The following CROCC2 variants were observed in gnomAD, a reference collection of about 807,000 sequenced individuals.
CROCC2 encodes the protein ciliary rootlet coiled-coil protein 2.
In CROCC2, 163 loss-of-function variants were observed where a neutral mutation model predicts 177.6. The ratio of observed to expected loss-of-function variants is 0.92; its 90% CI spans 0.81 to 1.05. The LOEUF (loss-of-function observed/expected upper bound fraction) is 1.05. Ranked by LOEUF, CROCC2 falls within the 50% of genes least tolerant of loss-of-function variation. CROCC2 has a pLI of 0.00. For missense variants in CROCC2, 1,929 were observed against 1,797.8 expected, an observed-to-expected ratio of 1.07 and a Z score of -1.32; for synonymous variants, 904 against 787.3, an observed-to-expected ratio of 1.15 and a Z score of -2.48.
chr2:240,940,799 C>T (rs992009707), intron 14 of CROCC2, among the ~76,000 whole-genome samples: 3 of 152,120 alleles, frequency 2.0e-5, no homozygotes, highest in Admixed American at 2.0e-4. Context: ...GACAAGGATG[C>T]CCACTCTTAC....
At chr2:240,990,940 C>T (rs973828148) in intron 30 of CROCC2, among the ~76,000 whole-genome samples, 22 of 152,238 alleles carry the variant, frequency 1.4e-4, no homozygotes, top group Non-Finnish European at 2.8e-4. Context: ...ACCAAGGGTG[C>T]GCGGTGGCCA....
chr2:240,933,254 G>T lies in CROCC2; in HGVS notation c.1375G>T (p.Ala459Ser). The T allele has an allele frequency of 6.5e-6, 10 of 1,548,776 alleles. No homozygotes were observed. Among genetic ancestry groups the T allele is most frequent in the Non-Finnish European group, 8.7e-6 (10 of 1,146,590 alleles). Reference protein sequence around the residue: ...KLQQERAREQAREREALRGQL... With the variant: ...KLQQERAREQSREREALRGQL... The stretch of plus-strand genomic sequence containing the variant: ...CCAGCAGGAGCGGGCTCGGGAGCAG[G>T]CACGGGAACGAGAGGCTCTTCGGGG... Residue 459 changes from alanine (A) to serine (S), a missense_variant, in exon 10 of 32, where the codon GCA becomes TCA. Physicochemically the swap from Ala to Ser is moderately conservative, Grantham distance 99. Transcript: ENST00000690015.
Position 240,973,373 on chromosome 2 carries a change from G to T in CROCC2, c.4401+5111G>T, listed in dbSNP as rs138718683. On this transcript the variant is annotated intron_variant, in intron 27 of 31. Transcript: ENST00000690015. The surrounding 1 kb of genome is among the most constrained non-coding windows in gnomAD (Gnocchi z 4.7). ...TAGCTGGCCAGGTCTCTGAGCAGGC[G>T]GGAGGCCTGGCACTCACTCAGCATC... Among the ~76,000 whole-genome samples, 1 of 152,052 alleles carries T rather than the reference G, an allele frequency of 6.6e-6. No homozygotes were observed. The highest frequency in any genetic ancestry group is 1.5e-5 in the Non-Finnish European group (1 of 68,028).
At chr2:240,928,797 G>A (rs570317007) in intron 5 of CROCC2, among the ~76,000 whole-genome samples, 192 of 151,740 alleles carry the variant, frequency 1.3e-3, no homozygotes, top group African/African-American at 4.2e-3. Flanking sequence ...CAGGGGTAAC[G>A]GGCTCAGAGG....
In CROCC2 at chr2:240,953,517, C is replaced by T. The variant is rs1202784164; in HGVS notation, c.2830-2342C>T. 6.6e-6 allele frequency among the ~76,000 whole-genome samples: 1 copy of T among 152,070 alleles called. No homozygotes were observed. Among genetic ancestry groups the T allele is most frequent in the Non-Finnish European group, 1.5e-5 (1 of 68,022 alleles). ...CCCACAGCAGAACCACAATAAGGGG[C>T]ACCCCAGGGGCACAGCACAGACGGG... On this transcript the variant is annotated intron_variant, in intron 18 of 31. Transcript: ENST00000690015. The surrounding 1 kb of genome is among the most constrained non-coding windows in gnomAD (Gnocchi z 4.0).
chr2:240,966,267 G>GC lies in CROCC2; in HGVS notation c.4010dup (p.Ala1338SerfsTer47). ...GCTCTCCCTGGGCAACAGGGTACCA[G>GC]CCCCCCAGCCAGGCCCCACTCGCCC... On this transcript the variant is annotated frameshift_variant, in exon 25 of 32. Coordinates refer to ENST00000690015, the MANE Select transcript of CROCC2 (RefSeq NM_001351305.2). LOFTEE classifies it high-confidence loss of function. 3.5e-6 allele frequency: 2 copies of GC among 571,922 alleles called. No individual in the cohort carries two copies. Among genetic ancestry groups the GC allele is most frequent in the Non-Finnish European group, 2.6e-6 (1 of 382,334 alleles). 35.4% of individuals were successfully genotyped at this position (571,922 alleles called of 1,614,324 possible).
At chr2:240,928,888 G>C (rs1395539364) in intron 5 of CROCC2, among the ~76,000 whole-genome samples, 1 of 149,020 alleles carries the variant, frequency 6.7e-6, no homozygotes, top group African/African-American at 2.5e-5. Flanking sequence ...GCCAGGTATG[G>C]GTTCACAGAG....
Position 240,982,822 on chromosome 2 carries a change from C to T in CROCC2, c.4402-58C>T. On this transcript the variant is annotated intron_variant, in intron 27 of 31. Coordinates refer to ENST00000690015, the MANE Select transcript of CROCC2 (RefSeq NM_001351305.2). This position sits in a 1 kb window ranked among gnomAD's most constrained non-coding sequence, Gnocchi z 4.7. ...CAGATGCCCTGAGGCCAGGGTTTCCCTGCAGGGCCTCCCACCCCCAGTGTC... is the reference window on the plus strand; with the variant it reads ...CAGATGCCCTGAGGCCAGGGTTTCCTTGCAGGGCCTCCCACCCCCAGTGTC... 6 of 1,486,024 alleles carry T rather than the reference C, an allele frequency of 4.0e-6. No individual in the cohort carries two copies. Among genetic ancestry groups the T allele is most frequent in the Non-Finnish European group, 5.4e-6 (6 of 1,103,884 alleles). 92.1% of individuals were successfully genotyped at this position (1,486,024 alleles called of 1,614,324 possible). A position where few individuals can be genotyped will look rare whatever the true frequency, so the allele number is the denominator to read the frequency against.
chr2:240,989,768 GC>G lies in CROCC2; in HGVS notation c.4800del (p.Thr1601ArgfsTer15). ...AERLHGARPQATQALESQEWT... is the reference protein window; with the variant it reads ...AERLHGARPQXTQALESQEWT... ...GCGTCTCCATGGGGCCCGGCCGCAGGCCACGCAGGCCCTGGAGTCCCAAGAA... is the reference window on the plus strand; with the variant it reads ...GCGTCTCCATGGGGCCCGGCCGCAGGCACGCAGGCCCTGGAGTCCCAAGAA... On this transcript the variant is annotated frameshift_variant, in exon 30 of 32. Transcript: ENST00000690015. LOFTEE classifies it high-confidence loss of function. 1 of 1,550,148 alleles carries G rather than the reference GC, an allele frequency of 6.5e-7. No homozygotes were observed. Among genetic ancestry groups the G allele is most frequent in the Non-Finnish European group, 8.7e-7 (1 of 1,146,752 alleles).
In CROCC2 at chr2:240,968,117, C is replaced by T; in HGVS notation, c.4268-12C>T. ...CATGGGGGCCCCTCAAGCCACCCTGCTTGCCCCACAGGCCAGCGCCGGGTG... is the reference window on the plus strand; with the variant it reads ...CATGGGGGCCCCTCAAGCCACCCTGTTTGCCCCACAGGCCAGCGCCGGGTG... On this transcript the variant is annotated splice_polypyrimidine_tract_variant and intron_variant, in intron 26 of 31. Transcript: ENST00000690015. 7.0e-7 allele frequency: 1 copy of T among 1,430,396 alleles called. No homozygotes were observed. The highest frequency in any genetic ancestry group is 2.6e-5 in the East Asian group (1 of 38,152). The allele number at this position is 1,430,396 out of a possible 1,614,324, so 88.6% of individuals were successfully genotyped here.
rs980394431 is a variant in CROCC2, at chr2:240,906,550, G to A, written c.37G>A (p.Ala13Thr). The change falls in exon 1 of 32, where the codon GCC becomes ACC. Residue 13 changes from alanine to threonine, a missense_variant. Physicochemically the swap from Ala to Thr is moderately conservative, Grantham distance 58. This residue lies in a region of CROCC2 where 1,397 missense variants were observed against 1,239.9 expected (regional missense o/e 1.13). Transcript: ENST00000690015. ...CTCCAGTGAGCCTGGCAATGGGGAC[G>A]CCTCCCAACAGCCCCTACTGGGGCT... ...SASSEPGNGD[A>T]SQQPLLGLDT... The A allele has an allele frequency of 5.3e-5, 21 of 399,040 alleles. No homozygotes were observed. The highest frequency in any genetic ancestry group is 1.0e-4 in the African/African-American group (5 of 48,632). The allele number at this position is 399,040 out of a possible 1,614,324, so 24.7% of individuals were successfully genotyped here.
intron 4 of CROCC2, among the ~76,000 whole-genome samples, chr2:240,925,107 A>T (rs987089658): frequency 3.9e-5 from 6 of 152,050 alleles, no homozygotes; most frequent in Non-Finnish European, 8.8e-5. Context: ...ATATCGACAC[A>T]TTTGGTTCAT....
intron 15 of CROCC2, 96 bp downstream of exon 15, chr2:240,946,349 A>G (rs757559223): frequency 8.1e-7 from 1 of 1,233,652 alleles, no homozygotes; most frequent in Non-Finnish European, 1.1e-6. Flanking sequence ...GCACCATGAC[A>G]TAGGACTGGG....
At position 240,927,498 on chromosome 2, in the gene CROCC2, A is replaced by C. The variant is rs575933274; in HGVS notation, c.645+1618A>C. On this transcript the variant is annotated intron_variant, in intron 5 of 31. Coordinates refer to ENST00000690015, the MANE Select transcript of CROCC2 (RefSeq NM_001351305.2). ...AGACTATATTCTAGATAATTTCTTC[A>C]AATTTCCTTTCCAGTCCATCAGTTT... Among the ~76,000 whole-genome samples the C allele has an allele frequency of 1.2e-4, 18 of 152,258 alleles. No homozygotes were observed. The South Asian group carries it at 2.7e-3, about 23-fold the overall frequency.
intron 2 of CROCC2, among the ~76,000 whole-genome samples, chr2:240,919,211 C>T (rs115512965): frequency 0.032 from 4,770 of 151,372 alleles, 290 homozygotes; most frequent in East Asian, 0.22. Flanking sequence ...GGGCTGGCCT[C>T]ACCCCCCACA....
At chr2:240,948,932 G>A (rs763032773) in intron 15 of CROCC2, 47 bp from the exon 16 acceptor site, 30 of 1,528,660 alleles carry the variant, frequency 2.0e-5, no homozygotes, top group Middle Eastern at 1.7e-4. Context: ...CATTTTACAC[G>A]CAGGATCTTG....
At position 240,982,254 on chromosome 2, in the gene CROCC2, C is replaced by G. The variant is rs78295645; in HGVS notation, c.4402-626C>G. On this transcript the variant is annotated intron_variant, in intron 27 of 31. Coordinates refer to ENST00000690015, the MANE Select transcript of CROCC2 (RefSeq NM_001351305.2). This position sits in a 1 kb window ranked among gnomAD's most constrained non-coding sequence, Gnocchi z 4.7. ...TGGGGACAGTGAGGAAACTGAAGGGCTGTCACTGGTCCCAAGTGGATGATG... is the reference window on the plus strand; with the variant it reads ...TGGGGACAGTGAGGAAACTGAAGGGGTGTCACTGGTCCCAAGTGGATGATG... The G allele has an allele frequency of 2.6e-5, 4 of 152,302 alleles. No individual in the cohort carries two copies. The South Asian group carries it at 8.3e-4, about 32-fold the overall frequency. 9.4% of individuals were successfully genotyped at this position (152,302 alleles called of 1,614,324 possible).
intron 5 of CROCC2, among the ~76,000 whole-genome samples, chr2:240,929,367 C>T (rs1235805233): frequency 6.6e-6 from 1 of 152,020 alleles, no homozygotes; most frequent in African/African-American, 2.4e-5. Flanking sequence ...CACAGTAGCA[C>T]CCTGAGTTCC....
chr2:240,942,688 G>T (rs185701225), intron 14 of CROCC2, among the ~76,000 whole-genome samples: 1 of 152,116 alleles, frequency 6.6e-6, no homozygotes, highest in Non-Finnish European at 1.5e-5. Context: ...CCAGGATTTA[G>T]CTGCTTTGTA....
Sources: gnomAD v4.1 joint callset for allele counts (sites outside exome capture counted in the v4.1 genomes callset) on GRCh38, gnomAD v4.1.1 for gene constraint, gnomAD v4.1.1 regional missense constraint, Gnocchi (gnomAD v3.1) non-coding constraint, MANE v1.5 for transcripts, NCBI Gene and HGNC (gene_info 2026-07-23, HGNC 2026-07-21) for gene names.